MYH2: variants seen among roughly 807,000 people sequenced by gnomAD.
The protein encoded by MYH2 is myosin-2.
In MYH2, 139 loss-of-function variants were observed where a neutral mutation model predicts 228.1. The ratio of observed to expected loss-of-function variants is 0.61; its 90% CI spans 0.53 to 0.70. MYH2 has a LOEUF of 0.70. Ranked by LOEUF, MYH2 falls within the 30% of genes least tolerant of loss-of-function variation. MYH2 has a pLI of 0.00. For missense variants in MYH2, 1,809 were observed against 2,357.5 expected (o/e 0.77, Z 4.82); for synonymous variants, 796 against 871.1 (o/e 0.91, Z 1.52).
chr17:10,547,410 T>G (rs1320420870), intron 4 of MYH2, 65 bp downstream of exon 4: 22 of 1,595,152 alleles, frequency 1.4e-5, no homozygotes, highest in Non-Finnish European at 1.9e-5. Flanking sequence ...TTATGCTCAG[T>G]GGAAGAAGCA....
chr17:10,524,561 G>A lies in MYH2; in HGVS notation c.5080C>T (p.Leu1694=), dbSNP rs1388433144. ...TCTGTCTGTTCCAGAGTGGCCCGCA[G>A]CTCCTCGATCTCAGCCTGCAGCAGG... ...ANLLQAEIEE[L]RATLEQTERS... Residue 1694 remains leucine (L), a synonymous_variant, in exon 35 of 40, where the codon CTG becomes TTG. Coordinates refer to ENST00000245503, the MANE Select transcript of MYH2 (RefSeq NM_017534.6). This position sits in a 1 kb window ranked among gnomAD's most constrained non-coding sequence, Gnocchi z 4.7. 3.7e-6 allele frequency: 6 copies of A among 1,614,210 alleles called. No homozygotes were observed. The East Asian group carries it at 1.1e-4, about 30-fold the overall frequency.
At position 10,523,175 on chromosome 17, in the gene MYH2, T is replaced by C; in HGVS notation, c.5588A>G (p.Asp1863Gly). The change falls in exon 39 of 40, where the codon GAT (aspartate) becomes GGT (glycine). Residue 1863 changes from aspartate (D) to glycine (G), a missense_variant. Around this residue, in one of 9 missense-constraint regions of MYH2, gnomAD observed 278 missense variants for 308.5 expected, o/e 0.90. Transcript: ENST00000245503. ...VKELTYQTEE[D>G]RKNILRLQDL... ...TTGAAGCCTGAGAATATTCTTTCTATCTTCTTCCGTCTGAAAGATTATAAA... is the reference window on the plus strand; with the variant it reads ...TTGAAGCCTGAGAATATTCTTTCTACCTTCTTCCGTCTGAAAGATTATAAA... 6.2e-7 allele frequency: 1 copy of C among 1,613,576 alleles called. No homozygotes were observed. The highest frequency in any genetic ancestry group is 8.5e-7 in the Non-Finnish European group (1 of 1,179,452).
rs1597448658 is a variant in MYH2, at chr17:10,525,745, C to T, written c.4319G>A (p.Arg1440Lys). 1 of 1,614,196 alleles carries T rather than the reference C, an allele frequency of 6.2e-7. No individual in the cohort carries two copies. Among genetic ancestry groups the T allele is most frequent in the Non-Finnish European group, 8.5e-7 (1 of 1,180,038 alleles). The part of the protein sequence containing the change: ...EVEDLMLDVE[R>K]TNAACAALDK... The stretch of plus-strand genomic sequence containing the variant: ...AAGGGCGGCACAGGCGGCATTTGTC[C>T]TCTCCACATCAAGCATGAGGTCCTC... The change falls in exon 31 of 40, where the codon AGG becomes AAG. Residue 1440 changes from arginine to lysine, a missense_variant. By Grantham distance (26) the Arg-to-Lys change is conservative (BLOSUM62 2). Transcript: ENST00000245503. This position sits in a 1 kb window ranked among gnomAD's most constrained non-coding sequence, Gnocchi z 4.2.
Position 10,543,899 on chromosome 17 carries a change from C to T in MYH2, c.648+3G>A, listed in dbSNP as rs201318160. 1.2e-6 allele frequency: 2 copies of T among 1,614,178 alleles called. No homozygotes were observed. Among genetic ancestry groups the T allele is most frequent in the East Asian group, 4.5e-5 (2 of 44,878 alleles). ...GGATTCTGACTGTGACAATCAGACT[C>T]ACCTGTATTTTGCCAGAAGTAATTT... is the stretch of plus-strand genomic sequence containing the variant. On this transcript the variant is annotated splice_donor_region_variant and intron_variant, in intron 7 of 39. Transcript: ENST00000245503.
chr17:10,528,914 C>A lies in MYH2; in HGVS notation c.3520G>T (p.Glu1174Ter). The change falls in exon 27 of 40, where the codon GAG becomes TAG. Residue 1174 changes from glutamate to a stop codon, truncating the protein, a stop_gained. Transcript: ENST00000245503. LOFTEE classifies it high-confidence loss of function. ...SAQIEMNKKREAEFQKMRRDL... is the reference protein window; with the variant it reads ...SAQIEMNKKR ...CTGCGCATTTTCTGGAACTCAGCCT[C>A]CCGCTTCTTGTTCATCTCAATCTGG... The A allele has an allele frequency of 6.2e-7, 1 of 1,614,200 alleles. No homozygotes were observed. Among genetic ancestry groups the A allele is most frequent in the Non-Finnish European group, 8.5e-7 (1 of 1,180,054 alleles).
chr17:10,530,687 C>A (rs986280307), intron 22 of MYH2, among the ~76,000 whole-genome samples: 2 of 152,154 alleles, frequency 1.3e-5, no homozygotes, highest in African/African-American at 4.8e-5. Context: ...GGAATATATA[C>A]TCATCAGTAA....
At position 10,525,450 on chromosome 17, in the gene MYH2, C is replaced by T. The variant is rs567336764; in HGVS notation, c.4537+1G>A. On this transcript the variant is annotated splice_donor_variant, in intron 32 of 39. Transcript: ENST00000245503. LOFTEE classifies it high-confidence loss of function. The surrounding 1 kb of genome is among the most constrained non-coding windows in gnomAD (Gnocchi z 4.2). Reference sequence around the variant, plus strand: ...TATTATTGAATATGATAGGGACTTACGCTGTAAGTTTTTGTTCTCTCGCTT... The same window carrying T: ...TATTATTGAATATGATAGGGACTTATGCTGTAAGTTTTTGTTCTCTCGCTT... 19 of 1,614,098 alleles carry T rather than the reference C, an allele frequency of 1.2e-5. No homozygotes were observed. The highest frequency in any genetic ancestry group is 2.2e-5 in the South Asian group (2 of 91,078).
chr17:10,545,124 C>T (rs1367467311), intron 5 of MYH2, among the ~76,000 whole-genome samples: 1 of 152,046 alleles, frequency 6.6e-6, no homozygotes, highest in Non-Finnish European at 1.5e-5. Context: ...CATGGCCAGC[C>T]TCTGTTGAAC....
chr17:10,526,734 T>A lies in MYH2; in HGVS notation c.4052A>T (p.Glu1351Val), dbSNP rs1439822894. 1.9e-6 allele frequency: 3 copies of A among 1,614,082 alleles called. No homozygotes were observed. The highest frequency in any genetic ancestry group is 2.5e-6 in the Non-Finnish European group (3 of 1,180,030). Residue 1351 changes from glutamate to valine, a missense_variant, in exon 30 of 40, where the codon GAA (glutamate) becomes GTA (valine). Glu to Val is a moderately radical substitution (Grantham distance 121). Around this residue, in one of 9 missense-constraint regions of MYH2, gnomAD observed 636 missense variants for 729.9 expected, o/e 0.87. Coordinates refer to ENST00000245503, the MANE Select transcript of MYH2 (RefSeq NM_017534.6). The part of the protein sequence containing the change: ...SSRHDCDLLR[E>V]QYEEEQESKA... The stretch of plus-strand genomic sequence containing the variant: ...GGATTCCTGCTCCTCCTCATACTGT[T>A]CCCGCAGCAGGTCACAGTCGTGGCG...
chr17:10,540,862 A>G (rs759947335), intron 10 of MYH2, among the ~76,000 whole-genome samples, 165 bp from the exon 11 acceptor site: 1 of 152,246 alleles, frequency 6.6e-6, no homozygotes, highest in Non-Finnish European at 1.5e-5. Context: ...TGAAGATTTC[A>G]TGGACATTTA....
At position 10,535,192 on chromosome 17, in the gene MYH2, T is replaced by TA; in HGVS notation, c.2063-3dup. 6.2e-7 allele frequency: 1 copy of TA among 1,614,096 alleles called. No individual in the cohort carries two copies. Among genetic ancestry groups the TA allele is most frequent in the Non-Finnish European group, 8.5e-7 (1 of 1,179,972 alleles). On this transcript the variant is annotated splice_polypyrimidine_tract_variant and splice_region_variant and intron_variant, in intron 18 of 39. Coordinates refer to ENST00000245503, the MANE Select transcript of MYH2 (RefSeq NM_017534.6). The stretch of plus-strand genomic sequence containing the variant: ...GGACAAGCTCATGCTCCATGGCACC[T>TA]AAAAATGCATATTTATTTCACTGCA...
rs749824406 is a variant in MYH2 at position 10,529,718 on chromosome 17, A to T, written c.2963T>A (p.Met988Lys). The T allele has an allele frequency of 1.1e-5, 18 of 1,613,896 alleles. No homozygotes were observed. Among genetic ancestry groups the T allele is most frequent in the Admixed American group, 1.7e-5 (1 of 59,980 alleles). Residue 988 changes from methionine (M) to lysine (K), a missense_variant, in exon 24 of 40, where the codon ATG becomes AAG. By Grantham distance (95) the Met-to-Lys change is moderately conservative (BLOSUM62 -1). Coordinates refer to ENST00000245503, the MANE Select transcript of MYH2 (RefSeq NM_017534.6). Reference sequence around the variant, plus strand: ...AGCAATGGTTTCATCCAGACCTGCCATCTCTTCTGTGAGGTTTTTCACCTA... The same window carrying T: ...AGCAATGGTTTCATCCAGACCTGCCTTCTCTTCTGTGAGGTTTTTCACCTA... ...ENKVKNLTEE[M>K]AGLDETIAKL...
intron 18 of MYH2, 21 bp from the exon 19 acceptor site, chr17:10,535,211 C>T: frequency 6.2e-7 from 1 of 1,614,030 alleles, no homozygotes. Context: ...ATATTTATTT[C>T]ACTGCAGAGC....
chr17:10,539,619 T>TA lies in MYH2; in HGVS notation c.1148-58dup. ...TGTGGCCCAAAGAAACCCACTTCCTTAAAAATATTTTTTAAACTACAAGTA... is the reference window on the plus strand; with the variant it reads ...TGTGGCCCAAAGAAACCCACTTCCTTAAAAAATATTTTTTAAACTACAAGTA... On this transcript the variant is annotated intron_variant, in intron 12 of 39. Transcript: ENST00000245503. The TA allele has an allele frequency of 4.7e-6, 7 of 1,500,450 alleles. No homozygotes were observed. The South Asian group carries it at 6.8e-5, about 15-fold the overall frequency. 92.9% of individuals were successfully genotyped at this position (1,500,450 alleles called of 1,614,324 possible).
intron 18 of MYH2, 30 bp downstream of exon 18, chr17:10,535,248 C>G (rs776690985): frequency 1.2e-6 from 2 of 1,613,882 alleles, no homozygotes; most frequent in Non-Finnish European, 1.7e-6. Context: ...TGGCAGTCAT[C>G]CTTTGCACTT....
chr17:10,527,268 T>C (rs1475932712), intron 28 of MYH2, among the ~76,000 whole-genome samples: 2 of 152,244 alleles, frequency 1.3e-5, no homozygotes, highest in African/African-American at 4.8e-5. Context: ...TAAATTCCTT[T>C]TGTCCTTTCC....
chr17:10,524,345 G>T lies in MYH2; in HGVS notation c.5175+121C>A. 1 of 1,310,728 alleles carries T rather than the reference G, an allele frequency of 7.6e-7. No homozygotes were observed. The highest frequency in any genetic ancestry group is 1.2e-5 in the South Asian group (1 of 82,022). 81.2% of individuals were successfully genotyped at this position (1,310,728 alleles called of 1,614,324 possible). On this transcript the variant is annotated intron_variant, in intron 35 of 39. Coordinates refer to ENST00000245503, the MANE Select transcript of MYH2 (RefSeq NM_017534.6). The surrounding 1 kb of genome is among the most constrained non-coding windows in gnomAD (Gnocchi z 4.7). ...CTCAGTAATGCAGAATTACTATTCT[G>T]TATTATTTGAAAAGAAAATTTGATA... is the stretch of plus-strand genomic sequence containing the variant.
chr17:10,543,645 T>C (rs2073587158), intron 8 of MYH2, 66 bp downstream of exon 8: 5 of 1,576,032 alleles, frequency 3.2e-6, no homozygotes, highest in Non-Finnish European at 4.4e-6. Context: ...TCAGAGAATG[T>C]AATTACAAAC....
rs760165871 is a variant in MYH2, at chr17:10,533,644, C to A, written c.2181-12G>T. On this transcript the variant is annotated splice_polypyrimidine_tract_variant and intron_variant, in intron 19 of 39. Transcript: ENST00000245503. The stretch of plus-strand genomic sequence containing the variant: ...TTAATACCTTGTATCTGTTGAAGTA[C>A]ATATAGCTTTTAACAACTAGTTTAC... 10 of 1,613,732 alleles carry A rather than the reference C, an allele frequency of 6.2e-6. No homozygotes were observed. The South Asian group carries it at 1.1e-4, about 18-fold the overall frequency.
Sources: gnomAD v4.1 joint callset for allele counts (sites outside exome capture counted in the v4.1 genomes callset) on GRCh38, gnomAD v4.1.1 for gene constraint, gnomAD v4.1.1 regional missense constraint, Gnocchi (gnomAD v3.1) non-coding constraint, MANE v1.5 for transcripts, NCBI Gene and HGNC (gene_info 2026-07-23, HGNC 2026-07-21) for gene names.